Variants in VEPH1 observed in about 807,000 individuals in gnomAD.
VEPH1 encodes ventricular zone expressed PH domain containing 1, also known as ventricular zone-expressed PH domain-containing protein homolog 1.
VEPH1 carries 80 observed loss-of-function variants against 85.2 expected under a neutral mutation model. The ratio of observed to expected loss-of-function variants is 0.94; its 90% CI spans 0.78 to 1.13. VEPH1 has a LOEUF of 1.13. Among genes scored for constraint, VEPH1 ranks in the 50% most tolerant of loss-of-function variants. VEPH1 has a pLI of 0.00. For missense variants in VEPH1, 955 were observed against 980.5 expected (o/e 0.97, Z 0.35); for synonymous variants, 297 against 348.0 (o/e 0.85, Z 1.63).
chr3:157,441,809 C>CAAA (rs34525960), intron 4 of VEPH1, among the ~76,000 whole-genome samples: 2 of 125,370 alleles, frequency 1.6e-5, no homozygotes, highest in African/African-American at 2.9e-5. Flanking sequence ...GACTCTGTCT[C>CAAA]AAAAAAAAAA....
chr3:157,426,925 A>G (rs1350047331), intron 5 of VEPH1, among the ~76,000 whole-genome samples: 2 of 150,506 alleles, frequency 1.3e-5, no homozygotes, highest in Non-Finnish European at 2.9e-5. Flanking sequence ...CTCCTGCCTC[A>G]GCCTCCCAAG....
Position 157,417,862 on chromosome 3 carries a change from T to C in VEPH1, c.697-3772A>G, listed in dbSNP as rs1423976197. On this transcript the variant is annotated intron_variant, in intron 5 of 13. Transcript: ENST00000362010. The stretch of plus-strand genomic sequence containing the variant: ...GTGCCTTTATAACAATCTGTGATGC[T>C]TGATTTGAATTTAGAATGTTTGGAC... 2.0e-5 allele frequency among the ~76,000 whole-genome samples: 3 copies of C among 152,280 alleles called. No homozygotes were observed. In the East Asian group the frequency reaches 5.8e-4, roughly 29 times the overall value.
chr3:157,472,916 T>C (rs368924236), intron 2 of VEPH1, among the ~76,000 whole-genome samples: 11 of 152,262 alleles, frequency 7.2e-5, no homozygotes, highest in East Asian at 1.9e-4. Context: ...CAGTGTACCA[T>C]TGATGGGCAT....
intron 9 of VEPH1, among the ~76,000 whole-genome samples, chr3:157,346,480 T>C (rs1346103284): frequency 6.6e-6 from 1 of 152,226 alleles, no homozygotes; most frequent in African/African-American, 2.4e-5. Flanking sequence ...ATGGCTTCTC[T>C]TACCCACTAA....
intron 4 of VEPH1, among the ~76,000 whole-genome samples, chr3:157,454,054 A>T (rs985226745): frequency 1.3e-5 from 2 of 152,036 alleles, no homozygotes; most frequent in African/African-American, 4.8e-5. Context: ...GCAGCAATAA[A>T]GGGGTAATTC....
chr3:157,281,130 CAGAGAG>C (rs1030195152), intron 12 of VEPH1, among the ~76,000 whole-genome samples: 1 of 87,922 alleles, frequency 1.1e-5, no homozygotes, highest in Non-Finnish European at 2.8e-5. Flanking sequence ...CAGAGAAAGA[CAGAGAG>C]AGAAAGAGGG....
At chr3:157,481,433 A>AACACACAC (rs1177654727) in intron 2 of VEPH1, among the ~76,000 whole-genome samples, 437 of 38,650 alleles carry the variant, frequency 0.011, 29 homozygotes, top group East Asian at 0.014. Context: ...TATGGAACCA[A>AACACACAC]ACACACACAC....
At chr3:157,435,094 T>G (rs1031702892) in intron 4 of VEPH1, among the ~76,000 whole-genome samples, 1 of 152,152 alleles carries the variant, frequency 6.6e-6, no homozygotes, top group African/African-American at 2.4e-5. Context: ...TCTAGAAGTT[T>G]TATTTGGTTC....
At chr3:157,385,343 T>C (rs1560017856) in intron 6 of VEPH1, among the ~76,000 whole-genome samples, 1 of 152,052 alleles carries the variant, frequency 6.6e-6, no homozygotes, top group Non-Finnish European at 1.5e-5. Flanking sequence ...GTTATATAAA[T>C]ATTATAAATA....
At chr3:157,473,797 A>G (rs1463043013) in intron 2 of VEPH1, among the ~76,000 whole-genome samples, 3 of 152,142 alleles carry the variant, frequency 2.0e-5, no homozygotes, top group African/African-American at 7.2e-5. Flanking sequence ...AAGAGGTATC[A>G]GTCTATTGCT....
chr3:157,280,991 G>A (rs1207026353), intron 12 of VEPH1, among the ~76,000 whole-genome samples: 1 of 152,152 alleles, frequency 6.6e-6, no homozygotes, highest in Admixed American at 6.5e-5. Flanking sequence ...CACATGCCAA[G>A]TGCAATACAG....
chr3:157,489,423 C>T, intron 2 of VEPH1: 2 of 294,964 alleles, frequency 6.8e-6, no homozygotes, highest in East Asian at 8.2e-5. Context: ...AGTCTACAGC[C>T]TTAGGACCTT....
intron 9 of VEPH1, among the ~76,000 whole-genome samples, chr3:157,319,604 T>A (rs1383326431): frequency 6.6e-6 from 1 of 152,218 alleles, no homozygotes; most frequent in Non-Finnish European, 1.5e-5. Flanking sequence ...TTTGTTTTAA[T>A]GGAAAGTTTC....
intron 9 of VEPH1, among the ~76,000 whole-genome samples, chr3:157,333,177 C>A (rs1252283429): frequency 6.6e-6 from 1 of 152,122 alleles, no homozygotes; most frequent in African/African-American, 2.4e-5. Context: ...TTGAACTTAT[C>A]TTTAAATGAC....
chr3:157,272,881 G>A (rs564643315), intron 12 of VEPH1, among the ~76,000 whole-genome samples: 11 of 152,174 alleles, frequency 7.2e-5, no homozygotes, highest in Non-Finnish European at 1.2e-4. Flanking sequence ...CAAGCATCCT[G>A]AAACACTTGC....
chr3:157,303,419 A>G (rs1464806757), intron 11 of VEPH1, among the ~76,000 whole-genome samples: 1 of 152,188 alleles, frequency 6.6e-6, no homozygotes, highest in Non-Finnish European at 1.5e-5. Flanking sequence ...ATTTGCAAAA[A>G]ATATTTTTGA....
chr3:157,332,587 G>A (rs1289545261), intron 9 of VEPH1, among the ~76,000 whole-genome samples: 1 of 151,980 alleles, frequency 6.6e-6, no homozygotes, highest in African/African-American at 2.4e-5. Flanking sequence ...TTTTTTGCAT[G>A]GCTAAATAAC....
chr3:157,278,798 T>C (rs1025081271), intron 12 of VEPH1, among the ~76,000 whole-genome samples: 4 of 152,078 alleles, frequency 2.6e-5, no homozygotes, highest in Non-Finnish European at 5.9e-5. Flanking sequence ...GTTGGTACAA[T>C]AGATTGAGTG....
At chr3:157,399,047 C>T (rs1730629603) in intron 6 of VEPH1, among the ~76,000 whole-genome samples, 1 of 152,052 alleles carries the variant, frequency 6.6e-6, no homozygotes, top group African/African-American at 2.4e-5. Context: ...GCCTGGCATA[C>T]AGAAATGTTA....
Sources: allele counts gnomAD v4.1 joint callset (sites outside exome capture counted in the v4.1 genomes callset), GRCh38; gene constraint gnomAD v4.1.1; transcripts MANE v1.5; gene names NCBI Gene and HGNC (gene_info 2026-07-23, HGNC 2026-07-21).